The following GLP2R variants were observed in gnomAD, a reference collection of about 807,000 sequenced individuals.
GLP2R encodes glucagon-like peptide 2 receptor.
A neutral mutation model predicts 68.2 loss-of-function variants in GLP2R; 59 were observed. That is an observed-to-expected ratio of 0.87 (90% CI 0.70 to 1.07). The LOEUF (loss-of-function observed/expected upper bound fraction) is 1.07, where lower values mean the gene tolerates loss of function less well. Among genes scored for constraint, GLP2R ranks in the 50% least tolerant of loss-of-function variants. The pLI is 0.00. For synonymous variants in GLP2R, 270 were observed against 265.4 expected (o/e 1.02, Z -0.17); for missense variants, 548 against 677.4 (o/e 0.81, Z 2.12).
intron 1 of GLP2R, among the ~76,000 whole-genome samples, chr17:9,831,397 C>T (rs190391834): frequency 2.0e-5 from 3 of 152,222 alleles, no homozygotes; most frequent in East Asian, 1.9e-4. Flanking sequence ...CCTCAAGGAG[C>T]TTATGGGATA....
At chr17:9,850,866 G>C (rs1372258464) in intron 4 of GLP2R, among the ~76,000 whole-genome samples, 1 of 151,740 alleles carries the variant, frequency 6.6e-6, no homozygotes. Flanking sequence ...GCTAATTTTT[G>C]TATTTTTAGT....
chr17:9,856,092 C>T (rs2152038239), intron 5 of GLP2R, among the ~76,000 whole-genome samples: 1 of 152,334 alleles, frequency 6.6e-6, no homozygotes, highest in East Asian at 1.9e-4. Context: ...AGATGTTCTG[C>T]AGCTCCTAGG....
intron 9 of GLP2R, among the ~76,000 whole-genome samples, chr17:9,863,317 T>C (rs559134295): frequency 6.6e-6 from 1 of 152,228 alleles, no homozygotes; most frequent in Admixed American, 6.5e-5. Context: ...GTGCTTTGTG[T>C]ATGAGTGTAT....
intron 5 of GLP2R, among the ~76,000 whole-genome samples, chr17:9,856,634 C>T (rs935284410): frequency 6.6e-6 from 1 of 152,140 alleles, no homozygotes; most frequent in African/African-American, 2.4e-5. Flanking sequence ...TTTAATCATT[C>T]CACAACCCCT....
intron 1 of GLP2R, among the ~76,000 whole-genome samples, chr17:9,833,506 T>A (rs938471660): frequency 9.2e-5 from 14 of 152,220 alleles, no homozygotes; most frequent in Admixed American, 9.2e-4. Flanking sequence ...CAACTATTCA[T>A]GTGGGAGGAT....
At chr17:9,861,626 G>A (rs1326420443) in intron 8 of GLP2R, among the ~76,000 whole-genome samples, 1 of 151,750 alleles carries the variant, frequency 6.6e-6, no homozygotes. Context: ...CGTTATTATG[G>A]GAACTTTTAG....
chr17:9,865,028 C>T (rs1362335152), intron 9 of GLP2R, among the ~76,000 whole-genome samples: 2 of 152,126 alleles, frequency 1.3e-5, no homozygotes, highest in East Asian at 3.9e-4. Context: ...CAGTCATGGT[C>T]AGCTCTACTG....
intron 2 of GLP2R, among the ~76,000 whole-genome samples, chr17:9,835,228 C>T (rs1040181805): frequency 4.6e-5 from 7 of 151,964 alleles, no homozygotes; most frequent in Non-Finnish European, 1.5e-5. Flanking sequence ...GGGGTTTCAC[C>T]ATGTTGGCCA....
chr17:9,882,991 C>CAAAAAAAAAAAA (rs3073990), intron 11 of GLP2R, among the ~76,000 whole-genome samples: 2 of 126,106 alleles, frequency 1.6e-5, no homozygotes, highest in African/African-American at 2.8e-5. Context: ...ATACTCAGGA[C>CAAAAAAAAAAAA]AAAAAAAAAA....
intron 3 of GLP2R, among the ~76,000 whole-genome samples, chr17:9,840,555 C>T (rs150048331): frequency 2.3e-4 from 35 of 152,288 alleles, no homozygotes; most frequent in African/African-American, 7.7e-4. Flanking sequence ...TCTCTCTCCT[C>T]GTGGGGCTTA....
intron 10 of GLP2R, among the ~76,000 whole-genome samples, chr17:9,872,776 G>A (rs908783557): frequency 2.6e-5 from 4 of 152,120 alleles, no homozygotes; most frequent in African/African-American, 9.7e-5. Flanking sequence ...TGTAAAAATG[G>A]GAGTGTCACT....
At chr17:9,883,403 C>T (rs1251982066) in intron 11 of GLP2R, among the ~76,000 whole-genome samples, 1 of 152,008 alleles carries the variant, frequency 6.6e-6, no homozygotes. Flanking sequence ...AGGAGAGTCC[C>T]AGAAGGAGAG....
chr17:9,862,030 A>T lies in GLP2R; in HGVS notation c.996A>T (p.Thr332=), dbSNP rs749454238. 3 of 1,613,134 alleles carry T rather than the reference A, an allele frequency of 1.9e-6. No individual in the cohort carries two copies. In the Admixed American group the frequency reaches 5.0e-5, roughly 27 times the overall value. ...CTACTGTTGACCTTAGGTGCTGGAC[A>T]ACAAATGGGAATAAGAAAATCTGGT... The part of the protein sequence containing the change: ...RAHLENTGCW[T]TNGNKKIWWI... The change falls in exon 9 of 13, where the codon ACA becomes ACT. Residue 332 remains threonine, a synonymous_variant. Transcript: ENST00000262441.
chr17:9,849,607 C>T (rs200122904), intron 4 of GLP2R, among the ~76,000 whole-genome samples: 4 of 87,118 alleles, frequency 4.6e-5, no homozygotes, highest in Non-Finnish European at 6.1e-5. Flanking sequence ...TTTTCTCTTT[C>T]TTTTTTTTTT....
intron 6 of GLP2R, among the ~76,000 whole-genome samples, chr17:9,859,478 A>C (rs770839739): frequency 2.1e-4 from 32 of 152,080 alleles, no homozygotes; most frequent in Non-Finnish European, 3.8e-4. Flanking sequence ...TGGTCAGCAA[A>C]GGTCTGGGAG....
At position 9,858,502 on chromosome 17, in the gene GLP2R, A is replaced by T. The variant is rs557976438; in HGVS notation, c.765+926A>T. 5.3e-5 allele frequency among the ~76,000 whole-genome samples: 8 copies of T among 152,376 alleles called. No individual in the cohort carries two copies. In the East Asian group the frequency reaches 1.5e-3, roughly 29 times the overall value. On this transcript the variant is annotated intron_variant, in intron 6 of 12. Transcript: ENST00000262441. ...AATTTGTGCTAGCCTCGTAAAACAA[A>T]TTAGAGCTGGTTTCCTCTTTCACTA...
At chr17:9,854,848 A>G (rs145141038) in intron 5 of GLP2R, among the ~76,000 whole-genome samples, 237 of 152,280 alleles carry the variant, frequency 1.6e-3, no homozygotes, top group African/African-American at 5.5e-3. Flanking sequence ...GCAATAACCA[A>G]TATTGAAATA....
intron 3 of GLP2R, among the ~76,000 whole-genome samples, chr17:9,842,293 A>T (rs1265606378): frequency 6.6e-6 from 1 of 152,210 alleles, no homozygotes; most frequent in East Asian, 1.9e-4. Flanking sequence ...CACAGCAGAC[A>T]TTAGCAGACC....
At chr17:9,877,964 T>C (rs1383884260) in intron 10 of GLP2R, among the ~76,000 whole-genome samples, 2 of 151,602 alleles carry the variant, frequency 1.3e-5, no homozygotes, top group African/African-American at 4.8e-5. Flanking sequence ...TCTGTAAATC[T>C]AAAATTATTC....
Sources: allele counts gnomAD v4.1 joint callset (sites outside exome capture counted in the v4.1 genomes callset), GRCh38; gene constraint gnomAD v4.1.1; transcripts MANE v1.5; gene names NCBI Gene and HGNC (gene_info 2026-07-23, HGNC 2026-07-21).